The following CCND3 variants were observed in gnomAD, a reference collection of about 807,000 sequenced individuals.
CCND3 encodes the protein cyclin D3, also known as G1/S-specific cyclin-D3.
CCND3 carries 9 observed loss-of-function variants against 28.7 expected under a neutral mutation model. That is an observed-to-expected ratio of 0.31 (90% CI 0.19 to 0.55). The LOEUF is 0.55. Ranked by LOEUF, CCND3 falls within the 20% of genes least tolerant of loss-of-function variation. The pLI is 0.93. For synonymous variants in CCND3, 164 were observed against 163.9 expected (o/e 1.00, Z 0.00); for missense variants, 315 against 385.8 (o/e 0.82, Z 1.54).
At chr6:42,000,928 C>T (rs1379069118) in intron 1 of CCND3, among the ~76,000 whole-genome samples, 1 of 151,436 alleles carries the variant, frequency 6.6e-6, no homozygotes, top group Non-Finnish European at 1.5e-5. Context: ...GAAAATATCA[C>T]ATATTAAAAC....
In CCND3 at chr6:41,948,764, G is replaced by A. The variant is rs554010950; in HGVS notation, c.-45-8179C>T. Among the ~76,000 whole-genome samples the A allele has an allele frequency of 1.5e-4, 23 of 151,580 alleles. 1 individual carries two copies. The South Asian group carries it at 3.5e-3, about 23-fold the overall frequency. The stretch of plus-strand genomic sequence containing the variant: ...CTAAGGCAAGAGAATTGCTTGAACC[G>A]GGACCCGGGAAGCGGAGGTTGCAGT... On this transcript the variant is annotated intron_variant, in intron 1 of 4. Coordinates refer to the CCND3 transcript ENST00000372988.
At chr6:42,049,070 C>A (rs112700812), upstream of CCND3, 174 of 166,126 alleles carry the variant, frequency 1.0e-3, 1 homozygote, top group Middle Eastern at 0.014. Context: ...GAGTCTCCCT[C>A]TGTCGCCCAG....
intron 1 of CCND3, among the ~76,000 whole-genome samples, chr6:41,994,587 A>G (rs1180960105): frequency 1.3e-5 from 2 of 152,214 alleles, no homozygotes; most frequent in Non-Finnish European, 1.5e-5. Context: ...ATGGACACCA[A>G]AAGTGAACCC....
chr6:41,961,080 G>A (rs1251322090), intron 1 of CCND3, among the ~76,000 whole-genome samples: 3 of 152,214 alleles, frequency 2.0e-5, no homozygotes, highest in East Asian at 1.9e-4. Flanking sequence ...CCTCGTTTCT[G>A]AGCAAACAAT....
intron 1 of CCND3, among the ~76,000 whole-genome samples, chr6:42,045,263 T>A (rs1281407526): frequency 6.6e-6 from 1 of 151,810 alleles, no homozygotes; most frequent in African/African-American, 2.4e-5. Flanking sequence ...GAGAGTTAAT[T>A]CACGAGTAAA....
At chr6:41,965,727 G>C (rs1761869288) in intron 1 of CCND3, among the ~76,000 whole-genome samples, 1 of 152,148 alleles carries the variant, frequency 6.6e-6, no homozygotes, top group South Asian at 2.1e-4. Flanking sequence ...AGCTCACAAA[G>C]TATCAGACTA....
intron 1 of CCND3, among the ~76,000 whole-genome samples, chr6:41,987,503 C>G (rs867332635): frequency 3.6e-3 from 384 of 105,706 alleles, no homozygotes; most frequent in Middle Eastern, 8.7e-3. Flanking sequence ...CTCTCTCTCT[C>G]TCTCTCTCTC....
chr6:41,995,481 C>T lies in CCND3; in HGVS notation c.-46+53020G>A, dbSNP rs530188218. Among the ~76,000 whole-genome samples, 17 of 152,294 alleles carry T rather than the reference C, an allele frequency of 1.1e-4. 1 individual carries two copies. Among genetic ancestry groups the T allele is most frequent in the African/African-American group, 3.8e-4 (16 of 41,574 alleles). ...CTATATTCGCCAGCCTGGTCTCGAACTCCTGATCTTGTGATCTGCCCGCCT... is the reference window on the plus strand; with the variant it reads ...CTATATTCGCCAGCCTGGTCTCGAATTCCTGATCTTGTGATCTGCCCGCCT... On this transcript the variant is annotated intron_variant, in intron 1 of 4. Coordinates refer to the CCND3 transcript ENST00000372988.
chr6:41,992,002 C>T (rs1295128292), intron 1 of CCND3, among the ~76,000 whole-genome samples: 1 of 152,134 alleles, frequency 6.6e-6, no homozygotes, highest in African/African-American at 2.4e-5. Context: ...AGCTGTTGGA[C>T]ACCAAGGTTG....
At chr6:41,948,806 A>T (rs1323820555) in intron 1 of CCND3, among the ~76,000 whole-genome samples, 1 of 151,456 alleles carries the variant, frequency 6.6e-6, no homozygotes, top group African/African-American at 2.4e-5. Flanking sequence ...AGATCGTGCC[A>T]CTGCACTCCA....
intron 1 of CCND3, among the ~76,000 whole-genome samples, chr6:41,951,938 T>G (rs2127400292): frequency 6.6e-6 from 1 of 151,988 alleles, no homozygotes; most frequent in African/African-American, 2.4e-5. Flanking sequence ...TTTTTTGTAT[T>G]TTTAGTAGAG....
intron 1 of CCND3, among the ~76,000 whole-genome samples, chr6:42,043,375 C>T (rs751971154): frequency 6.6e-6 from 1 of 152,130 alleles, no homozygotes; most frequent in African/African-American, 2.4e-5. Context: ...GTCAAAGATA[C>T]AAAAAGTTGG....
At chr6:42,026,892 C>T (rs1763890987) in intron 1 of CCND3, among the ~76,000 whole-genome samples, 1 of 152,178 alleles carries the variant, frequency 6.6e-6, no homozygotes, top group Non-Finnish European at 1.5e-5. Flanking sequence ...GGGGCTTGGG[C>T]CCTCAACACC....
chr6:42,002,969 C>A (rs1048831106), intron 1 of CCND3, among the ~76,000 whole-genome samples: 2 of 151,896 alleles, frequency 1.3e-5, no homozygotes, highest in African/African-American at 4.8e-5. Context: ...TTGAGACCGG[C>A]CTGACCAACA....
At chr6:42,040,376 C>A (rs1473219309) in intron 1 of CCND3, among the ~76,000 whole-genome samples, 3 of 152,014 alleles carry the variant, frequency 2.0e-5, no homozygotes, top group Non-Finnish European at 4.4e-5. Flanking sequence ...TGAGATCGTG[C>A]CATTGCACTC....
chr6:41,974,531 CT>C (rs1166743010), intron 1 of CCND3, among the ~76,000 whole-genome samples: 1 of 152,102 alleles, frequency 6.6e-6, no homozygotes, highest in East Asian at 1.9e-4. Context: ...TGCCTTTGAA[CT>C]TGACTGGAAA....
Position 41,940,517 on chromosome 6 carries a change from C to T in CCND3, c.267G>A (p.Leu89=), listed in dbSNP as rs764069435. Reference sequence around the variant, plus strand: ...GCGCCTTTCGGGTGGGGACGCAAGACAGGTAGCGATCCAGGTAGTTCATGG... The same window carrying T: ...GCGCCTTTCGGGTGGGGACGCAAGATAGGTAGCGATCCAGGTAGTTCATGG... The part of the protein sequence containing the change: ...PLAMNYLDRY[L]SCVPTRKAQL... Residue 89 remains leucine (L), a synonymous_variant, in exon 2 of 5, where the codon CTG becomes CTA. Transcript: ENST00000372991. 1 of 1,613,982 alleles carries T rather than the reference C, an allele frequency of 6.2e-7. No homozygotes were observed. The highest frequency in any genetic ancestry group is 8.5e-7 in the Non-Finnish European group (1 of 1,180,000).
At chr6:42,009,125 T>G (rs563608322) in intron 1 of CCND3, among the ~76,000 whole-genome samples, 6 of 152,292 alleles carry the variant, frequency 3.9e-5, no homozygotes, top group African/African-American at 1.4e-4. Context: ...GGGCTCAACT[T>G]CCTTGAGTGG....
In CCND3 at chr6:41,941,166, G is replaced by A. The variant is rs1776001112; in HGVS notation, c.198+286C>T. On this transcript the variant is annotated intron_variant, in intron 1 of 4. Coordinates refer to ENST00000372991, the MANE Select transcript of CCND3 (RefSeq NM_001760.5). The surrounding 1 kb of genome is among the most constrained non-coding windows in gnomAD (Gnocchi z 6.1). ...GGCGGAGGGAAGCGGGAGACGCTGT[G>A]AGAAGCCGAAGGGGAGAGAGTGTCC... 6.9e-7 allele frequency: 1 copy of A among 1,455,218 alleles called. No individual in the cohort carries two copies. The highest frequency in any genetic ancestry group is 2.8e-5 in the Admixed American group (1 of 36,088). 90.1% of individuals were successfully genotyped at this position (1,455,218 alleles called of 1,614,324 possible).
Sources: allele counts gnomAD v4.1 joint callset (sites outside exome capture counted in the v4.1 genomes callset), GRCh38; gene constraint gnomAD v4.1.1; non-coding constraint Gnocchi (gnomAD v3.1); transcripts MANE v1.5; gene names NCBI Gene and HGNC (gene_info 2026-07-23, HGNC 2026-07-21).